The following RGMA variants were observed in gnomAD, a reference collection of about 807,000 sequenced individuals.
RGMA encodes repulsive guidance molecule BMP co-receptor a, also known as repulsive guidance molecule A.
In RGMA, 10 loss-of-function variants were observed where a neutral mutation model predicts 23.2. That is an observed-to-expected ratio of 0.43 (90% CI 0.27 to 0.73). The LOEUF is 0.73. Among genes scored for constraint, RGMA ranks in the 30% least tolerant of loss-of-function variants. RGMA has a pLI of 0.20. For synonymous variants in RGMA, 308 were observed against 279.3 expected (o/e 1.10, Z -1.03); for missense variants, 547 against 630.5 (o/e 0.87, Z 1.42).
chr15:93,065,299 G>C (rs553633895), intron 2 of RGMA, among the ~76,000 whole-genome samples: 32 of 152,046 alleles, frequency 2.1e-4, no homozygotes, highest in South Asian at 1.2e-3. Flanking sequence ...ACAACCAGGA[G>C]GAGGTTGAGA....
intron 1 of RGMA, chr15:93,088,450 C>G: frequency 1.0e-6 from 1 of 986,300 alleles, no homozygotes; most frequent in Non-Finnish European, 1.2e-6. Flanking sequence ...CGCGAGCCCA[C>G]GCGGTGCACT....
rs2054700491 is a variant in RGMA at position 93,039,581 on chromosome 15, T to G, written c.*5417A>C. 1 of 151,926 alleles carries G rather than the reference T, an allele frequency of 6.6e-6. No homozygotes were observed. The highest frequency in any genetic ancestry group is 1.5e-5 in the Non-Finnish European group (1 of 68,002). 9.4% of individuals were successfully genotyped at this position (151,926 alleles called of 1,614,324 possible). On this transcript the variant is annotated 3_prime_UTR_variant, in exon 4 of 4. Transcript: ENST00000329082. ...CACTGACAGGCCCCAGTGTGTGATGTTCCCTTCCCTGTGTCCATGTGTTCT... is the reference window on the plus strand; with the variant it reads ...CACTGACAGGCCCCAGTGTGTGATGGTCCCTTCCCTGTGTCCATGTGTTCT...
intron 1 of RGMA, among the ~76,000 whole-genome samples, chr15:93,080,349 C>T (rs995155195): frequency 2.6e-5 from 4 of 152,104 alleles, no homozygotes; most frequent in Admixed American, 6.6e-5. Context: ...CAGGTGCACA[C>T]GCCACCACGC....
intron 3 of RGMA, among the ~76,000 whole-genome samples, chr15:93,050,753 CCT>C (rs1304152167): frequency 1.3e-5 from 2 of 152,188 alleles, no homozygotes; most frequent in African/African-American, 4.8e-5. Flanking sequence ...GGTCCACATC[CCT>C]CTCACATCCT....
intron 1 of RGMA, among the ~76,000 whole-genome samples, chr15:93,076,407 G>A (rs1234584336): frequency 6.6e-6 from 1 of 152,180 alleles, no homozygotes; most frequent in African/African-American, 2.4e-5. Context: ...TTCTAGGTAT[G>A]AACAGAGTGT....
rs977763880 is a variant in RGMA at position 93,045,918 on chromosome 15, A to T, written c.646-213T>A. On this transcript the variant is annotated intron_variant, in intron 3 of 3. Transcript: ENST00000329082. This position sits in a 1 kb window ranked among gnomAD's most constrained non-coding sequence, Gnocchi z 6.9. ...AAACAACTTGCCCTTTTTACTTTAA[A>T]AAGTGACTTAGAAAAATGTTAGACC... Among the ~76,000 whole-genome samples the T allele has an allele frequency of 3.9e-5, 6 of 152,236 alleles. No individual in the cohort carries two copies. The highest frequency in any genetic ancestry group is 7.3e-5 in the Non-Finnish European group (5 of 68,038).
At chr15:93,048,382 G>A (rs1017704676) in intron 3 of RGMA, among the ~76,000 whole-genome samples, 7 of 152,152 alleles carry the variant, frequency 4.6e-5, no homozygotes, top group African/African-American at 1.7e-4. Flanking sequence ...AGAAATGGCG[G>A]TCTTCTCATG....
rs2054786786 is a variant in RGMA, at chr15:93,044,762, C to G, written c.*236G>C. On this transcript the variant is annotated 3_prime_UTR_variant, in exon 4 of 4. Coordinates refer to ENST00000329082, the MANE Select transcript of RGMA (RefSeq NM_020211.3). ...CACTGCAGGGGCGGGGCGAGGGGAG[C>G]TGCTCTCCCTCTCACACAGCTCTAC... is the stretch of plus-strand genomic sequence containing the variant. 1.7e-6 allele frequency: 1 copy of G among 573,364 alleles called. No individual in the cohort carries two copies. The highest frequency in any genetic ancestry group is 1.9e-5 in the African/African-American group (1 of 53,322). The allele number at this position is 573,364 out of a possible 1,614,324, so 35.5% of individuals were successfully genotyped here.
At position 93,048,781 on chromosome 15, in the gene RGMA, G is replaced by A. The variant is rs553200916; in HGVS notation, c.646-3076C>T. Among the ~76,000 whole-genome samples, 489 of 152,074 alleles carry A rather than the reference G, an allele frequency of 3.2e-3. 2 individuals are homozygous for A. Among genetic ancestry groups the A allele is most frequent in the African/African-American group, 0.011 (448 of 41,470 alleles). ...GCCAGCCCACCTCGGTGGGGAGGCC[G>A]CCTGGGGGTGCCGGAGGTGGGCCAG... On this transcript the variant is annotated intron_variant, in intron 3 of 3. Coordinates refer to ENST00000329082, the MANE Select transcript of RGMA (RefSeq NM_020211.3).
intron 2 of RGMA, among the ~76,000 whole-genome samples, chr15:93,062,504 CAG>C (rs1356651135): frequency 2.6e-5 from 4 of 152,186 alleles, no homozygotes; most frequent in African/African-American, 7.2e-5. Flanking sequence ...GCTGGCTGGT[CAG>C]AGTGTAGCCA....
chr15:93,068,022 CA>C (rs1403342934), intron 2 of RGMA, among the ~76,000 whole-genome samples: 1 of 152,098 alleles, frequency 6.6e-6, no homozygotes, highest in Non-Finnish European at 1.5e-5. Flanking sequence ...CAGATCTGGA[CA>C]GGGGAGTCCC....
intron 3 of RGMA, among the ~76,000 whole-genome samples, chr15:93,050,423 C>T (rs1050274997): frequency 7.2e-5 from 11 of 152,218 alleles, no homozygotes; most frequent in African/African-American, 2.4e-4. Context: ...CTGACGCTGT[C>T]ACTGTCTGGC....
intron 2 of RGMA, chr15:93,065,738 G>C: frequency 8.4e-7 from 1 of 1,194,222 alleles, no homozygotes; most frequent in South Asian, 1.2e-5. Flanking sequence ...CCATCAGCGG[G>C]ACCGTGGCTG....
intron 2 of RGMA, 30 bp downstream of exon 2, chr15:93,072,886 G>A: frequency 1.3e-6 from 2 of 1,578,580 alleles, no homozygotes; most frequent in Non-Finnish European, 1.7e-6. Flanking sequence ...CAGGGACCCG[G>A]CCCCGCGCGC....
intron 2 of RGMA, among the ~76,000 whole-genome samples, chr15:93,064,814 G>A (rs1038839735): frequency 3.3e-5 from 5 of 152,176 alleles, no homozygotes; most frequent in African/African-American, 1.2e-4. Context: ...GTCCTCTTTA[G>A]AATGCTATGC....
intron 1 of RGMA, among the ~76,000 whole-genome samples, chr15:93,084,166 G>C (rs567212490): frequency 6.6e-6 from 1 of 152,328 alleles, no homozygotes; most frequent in East Asian, 1.9e-4. Flanking sequence ...TGGAAGAAGA[G>C]AGAGTTCCGT....
At chr15:93,064,268 G>A (rs145227806) in intron 2 of RGMA, among the ~76,000 whole-genome samples, 3,353 of 152,360 alleles carry the variant, frequency 0.022, 50 homozygotes, top group Non-Finnish European at 0.033. Flanking sequence ...GGCAGAGTTA[G>A]ATAAGCTACT....
intron 1 of RGMA, among the ~76,000 whole-genome samples, chr15:93,082,959 T>C (rs972359264): frequency 1.3e-5 from 2 of 152,268 alleles, no homozygotes; most frequent in African/African-American, 4.8e-5. Context: ...TCTCAAGTTT[T>C]AAGCCAGATG....
intron 1 of RGMA, among the ~76,000 whole-genome samples, chr15:93,085,028 G>C (rs1356857051): frequency 6.6e-6 from 1 of 152,094 alleles, no homozygotes; most frequent in African/African-American, 2.4e-5. Context: ...ATAAAAATGG[G>C]TTGCATCCAT....
Sources: gnomAD v4.1 joint callset for allele counts (sites outside exome capture counted in the v4.1 genomes callset) on GRCh38, gnomAD v4.1.1 for gene constraint, Gnocchi (gnomAD v3.1) non-coding constraint, MANE v1.5 for transcripts, NCBI Gene and HGNC (gene_info 2026-07-23, HGNC 2026-07-21) for gene names.